SPTLC1: variants seen among roughly 807,000 people sequenced by gnomAD.
SPTLC1 encodes the protein serine palmitoyltransferase long chain base subunit 1, also known as serine palmitoyltransferase 1.
A neutral mutation model predicts 68.9 loss-of-function variants in SPTLC1; 55 were observed. The ratio of observed to expected loss-of-function variants is 0.80; its 90% CI spans 0.64 to 1.00. SPTLC1 has a LOEUF of 1.00. Among genes scored for constraint, SPTLC1 ranks in the 50% least tolerant of loss-of-function variants. The pLI, the probability that SPTLC1 is intolerant of heterozygous loss-of-function variation, is 0.00. For missense variants in SPTLC1, 449 were observed against 573.1 expected, an observed-to-expected ratio of 0.78 and a Z score of 2.21; for synonymous variants, 197 against 201.6, an observed-to-expected ratio of 0.98 and a Z score of 0.19.
chr9:92,060,732 C>G (rs1441689675), intron 6 of SPTLC1, among the ~76,000 whole-genome samples: 1 of 150,156 alleles, frequency 6.7e-6, no homozygotes, highest in African/African-American at 2.4e-5. Context: ...TGGTGAAACC[C>G]CATCTCTACT....
At chr9:92,043,943 T>G (rs961642589) in intron 12 of SPTLC1, among the ~76,000 whole-genome samples, 4 of 152,204 alleles carry the variant, frequency 2.6e-5, no homozygotes, top group African/African-American at 9.6e-5. Flanking sequence ...CCACCAGATT[T>G]CCCACTCCTT....
chr9:92,098,326 A>G (rs1435029040), intron 3 of SPTLC1, among the ~76,000 whole-genome samples: 1 of 144,218 alleles, frequency 6.9e-6, no homozygotes, highest in Non-Finnish European at 1.5e-5. Context: ...CTCCTCACCC[A>G]GCATCCATAA....
At chr9:92,103,832 G>A (rs1453438322) in intron 3 of SPTLC1, among the ~76,000 whole-genome samples, 1 of 152,200 alleles carries the variant, frequency 6.6e-6, no homozygotes, top group African/African-American at 2.4e-5. Flanking sequence ...TCCAAGACAG[G>A]GCCACTGGGT....
intron 3 of SPTLC1, among the ~76,000 whole-genome samples, chr9:92,085,856 A>G (rs893680940): frequency 1.3e-5 from 2 of 151,578 alleles, no homozygotes; most frequent in African/African-American, 4.8e-5. Flanking sequence ...AAAGTCTCCC[A>G]TTATTAATGT....
At chr9:92,072,187 C>T (rs145896635) in intron 5 of SPTLC1, among the ~76,000 whole-genome samples, 15 of 152,256 alleles carry the variant, frequency 9.9e-5, no homozygotes, top group Non-Finnish European at 1.9e-4. Context: ...TCTCCCCTAT[C>T]CTCCCCACGC....
At chr9:92,099,960 T>C (rs1835685563) in intron 3 of SPTLC1, among the ~76,000 whole-genome samples, 1 of 152,174 alleles carries the variant, frequency 6.6e-6, no homozygotes, top group African/African-American at 2.4e-5. Flanking sequence ...TCTAGGTCTG[T>C]GTAAGTCCAC....
At chr9:92,111,271 C>A (rs1230716393) in intron 2 of SPTLC1, 1 of 152,178 alleles carries the variant, frequency 6.6e-6, no homozygotes, top group Non-Finnish European at 1.5e-5. Context: ...GCTGAGGTAA[C>A]CAACCAGAAT....
intron 3 of SPTLC1, among the ~76,000 whole-genome samples, chr9:92,103,817 G>A (rs1835850380): frequency 1.3e-5 from 2 of 152,278 alleles, no homozygotes; most frequent in South Asian, 4.1e-4. Flanking sequence ...CGGGGGACAG[G>A]GCCGTCCAAG....
intron 12 of SPTLC1, among the ~76,000 whole-genome samples, chr9:92,039,094 C>G (rs1050814932): frequency 6.6e-6 from 1 of 152,166 alleles, no homozygotes; most frequent in African/African-American, 2.4e-5. Context: ...TTGCAGTGAG[C>G]TGAGATTGTG....
intron 11 of SPTLC1, among the ~76,000 whole-genome samples, chr9:92,046,913 G>A (rs10118582): frequency 2.0e-4 from 30 of 152,006 alleles, no homozygotes; most frequent in African/African-American, 3.6e-4. Flanking sequence ...AGAGCCCCTC[G>A]TCCTCCCAGC....
In SPTLC1 at chr9:92,079,654, A is replaced by G. The variant is rs113082703; in HGVS notation, c.427+362T>C. ...CACTTTCTTCCTAGAGCTGTTTCTCAGCCCCCTGCGTGGCTAGTCATGGCA... is the reference window on the plus strand; with the variant it reads ...CACTTTCTTCCTAGAGCTGTTTCTCGGCCCCCTGCGTGGCTAGTCATGGCA... On this transcript the variant is annotated intron_variant, in intron 5 of 14. Coordinates refer to ENST00000262554, the MANE Select transcript of SPTLC1 (RefSeq NM_006415.4). 5.6e-6 allele frequency: 7 copies of G among 1,244,866 alleles called. No individual in the cohort carries two copies. In the African/African-American group the frequency reaches 8.9e-5, roughly 16 times the overall value. The allele number at this position is 1,244,866 out of a possible 1,614,324, so 77.1% of individuals were successfully genotyped here.
At chr9:92,095,374 A>C (rs192615775) in intron 3 of SPTLC1, among the ~76,000 whole-genome samples, 1 of 152,354 alleles carries the variant, frequency 6.6e-6, no homozygotes, top group Admixed American at 6.5e-5. Flanking sequence ...CTATACCCCC[A>C]GAGAAATTCA....
chr9:92,090,162 G>A (rs1835303742), intron 3 of SPTLC1, among the ~76,000 whole-genome samples: 1 of 152,214 alleles, frequency 6.6e-6, no homozygotes, highest in Non-Finnish European at 1.5e-5. Context: ...TGGTAAATAG[G>A]TAAAGAAGGT....
At chr9:92,091,176 T>C (rs1165843545) in intron 3 of SPTLC1, among the ~76,000 whole-genome samples, 1 of 152,246 alleles carries the variant, frequency 6.6e-6, no homozygotes, top group Non-Finnish European at 1.5e-5. Context: ...ACAGATATTG[T>C]ACTTATTTCC....
rs191086632 is a variant in SPTLC1 at position 92,063,623 on chromosome 9, G to A, written c.561-4315C>T. The stretch of plus-strand genomic sequence containing the variant: ...ATCCTTAACAAAAGACTGGCAAATC[G>A]AATTTAGCTTTTTATAAAAAAAAAA... On this transcript the variant is annotated intron_variant, in intron 6 of 14. Transcript: ENST00000262554. 3.3e-3 allele frequency among the ~76,000 whole-genome samples: 497 copies of A among 151,830 alleles called. 4 individuals are homozygous for A. Among genetic ancestry groups the A allele is most frequent in the Non-Finnish European group, 5.8e-3 (393 of 67,906 alleles).
intron 5 of SPTLC1, among the ~76,000 whole-genome samples, chr9:92,078,550 C>G (rs1008259157): frequency 2.6e-5 from 4 of 152,120 alleles, no homozygotes; most frequent in African/African-American, 9.7e-5. Context: ...CCTCAACCTC[C>G]TAGGATCAAG....
chr9:92,036,071 G>C (rs942288479), intron 13 of SPTLC1, among the ~76,000 whole-genome samples: 1 of 152,220 alleles, frequency 6.6e-6, no homozygotes, highest in Non-Finnish European at 1.5e-5. Flanking sequence ...GATGAGGGGA[G>C]TGGAACAAAA....
intron 12 of SPTLC1, among the ~76,000 whole-genome samples, chr9:92,040,128 G>A (rs1192245402): frequency 3.3e-5 from 5 of 152,014 alleles, no homozygotes; most frequent in Non-Finnish European, 5.9e-5. Context: ...CCAGCACTTT[G>A]GGAGGCCAAG....
At chr9:92,045,939 A>ATTAG in intron 12 of SPTLC1, 60 bp downstream of exon 12, 2 of 1,492,846 alleles carry the variant, frequency 1.3e-6, no homozygotes, top group Admixed American at 3.5e-5. Context: ...AAAACTTTCC[A>ATTAG]TTAGTTGTTA....
Sources: gnomAD v4.1 joint callset for allele counts (sites outside exome capture counted in the v4.1 genomes callset) on GRCh38, gnomAD v4.1.1 for gene constraint, MANE v1.5 for transcripts, NCBI Gene and HGNC (gene_info 2026-07-23, HGNC 2026-07-21) for gene names.